Variants in GRM7 observed in about 807,000 individuals in gnomAD.
GRM7 encodes glutamate metabotropic receptor 7.
In GRM7, 35 loss-of-function variants were observed where a neutral mutation model predicts 84.5. That is an observed-to-expected ratio of 0.41 (90% CI 0.32 to 0.55). GRM7 has a LOEUF of 0.55. Among genes scored for constraint, GRM7 ranks in the 20% least tolerant of loss-of-function variants. The pLI, the probability that GRM7 is intolerant of heterozygous loss-of-function variation, is 0.19. For synonymous variants in GRM7, 487 were observed against 455.1 expected (o/e 1.07, Z -0.89); for missense variants, 1,003 against 1,194.6 (o/e 0.84, Z 2.36).
intron 1 of GRM7, among the ~76,000 whole-genome samples, chr3:6,877,991 C>T (rs1017711270): frequency 3.3e-5 from 5 of 150,904 alleles, no homozygotes; most frequent in African/African-American, 1.2e-4. Context: ...ACTCTATCTA[C>T]AGATATATTT....
intron 5 of GRM7, among the ~76,000 whole-genome samples, chr3:7,439,351 C>T (rs989492129): frequency 2.6e-5 from 4 of 152,172 alleles, no homozygotes; most frequent in African/African-American, 9.7e-5. Flanking sequence ...GGAGTCCTCT[C>T]CTGTAACGTA....
At chr3:6,887,846 A>G (rs1695762963) in intron 1 of GRM7, among the ~76,000 whole-genome samples, 1 of 152,232 alleles carries the variant, frequency 6.6e-6, no homozygotes, top group Non-Finnish European at 1.5e-5. Flanking sequence ...TACTTGCGCC[A>G]ACAATGTAAA....
intron 7 of GRM7, among the ~76,000 whole-genome samples, chr3:7,499,205 C>A (rs1490285035): frequency 6.6e-6 from 1 of 152,124 alleles, no homozygotes; most frequent in Non-Finnish European, 1.5e-5. Flanking sequence ...AATCTCTGGG[C>A]TTCTTTTCTG....
At chr3:7,360,079 C>A (rs1388961015) in intron 4 of GRM7, among the ~76,000 whole-genome samples, 1 of 147,082 alleles carries the variant, frequency 6.8e-6, no homozygotes, top group Admixed American at 6.8e-5. Context: ...CCTGAAATAT[C>A]AAATTTGCAA....
At chr3:7,092,369 C>T (rs1698696260) in intron 1 of GRM7, among the ~76,000 whole-genome samples, 1 of 152,046 alleles carries the variant, frequency 6.6e-6, no homozygotes. Context: ...ATTTTAGTTA[C>T]CACTTCTTGG....
At chr3:7,495,635 T>C (rs1699675162) in intron 7 of GRM7, among the ~76,000 whole-genome samples, 2 of 152,138 alleles carry the variant, frequency 1.3e-5, no homozygotes, top group South Asian at 2.1e-4. Flanking sequence ...CCTCTCCCGA[T>C]TGCTTATTTC....
intron 1 of GRM7, among the ~76,000 whole-genome samples, chr3:6,983,046 C>T (rs78986746): frequency 0.017 from 2,570 of 152,152 alleles, 65 homozygotes; most frequent in African/African-American, 0.058. Context: ...ATGCAGTAGG[C>T]GAAGATATTT....
chr3:7,124,859 A>G (rs1350942731), intron 1 of GRM7, among the ~76,000 whole-genome samples: 2 of 152,208 alleles, frequency 1.3e-5, no homozygotes, highest in African/African-American at 4.8e-5. Flanking sequence ...CATTAATGAA[A>G]TATAGCCATG....
intron 1 of GRM7, among the ~76,000 whole-genome samples, chr3:7,127,766 A>C (rs1353828): frequency 0.33 from 49,780 of 151,916 alleles, 9,128 homozygotes; most frequent in African/African-American, 0.5. Flanking sequence ...GGTTTGGGAT[A>C]TTTTGCCTTT....
chr3:7,353,694 G>A (rs1363167856), intron 4 of GRM7, among the ~76,000 whole-genome samples: 2 of 152,144 alleles, frequency 1.3e-5, no homozygotes. Flanking sequence ...AGAGCCCTGT[G>A]ATTGCTCTTG....
intron 8 of GRM7, among the ~76,000 whole-genome samples, chr3:7,612,233 T>TAGTCAC (rs888033826): frequency 6.6e-6 from 1 of 152,228 alleles, no homozygotes; most frequent in East Asian, 1.9e-4. Context: ...TACGTGCCCT[T>TAGTCAC]AGTCACTTTT....
intron 4 of GRM7, among the ~76,000 whole-genome samples, chr3:7,356,168 C>A (rs1417239943): frequency 6.6e-6 from 1 of 152,032 alleles, no homozygotes; most frequent in Non-Finnish European, 1.5e-5. Flanking sequence ...TTAGAAGGAG[C>A]ATGATGGGCA....
At chr3:6,891,340 C>G (rs1574976737) in intron 1 of GRM7, among the ~76,000 whole-genome samples, 1 of 152,180 alleles carries the variant, frequency 6.6e-6, no homozygotes, top group African/African-American at 2.4e-5. Flanking sequence ...ATGGTCTTTA[C>G]AATTTGGCAT....
intron 1 of GRM7, among the ~76,000 whole-genome samples, chr3:6,962,482 T>G (rs1428467408): frequency 6.6e-6 from 1 of 152,146 alleles, no homozygotes; most frequent in Non-Finnish European, 1.5e-5. Context: ...GAAAACTCAC[T>G]AGCACTACAA....
intron 8 of GRM7, among the ~76,000 whole-genome samples, chr3:7,638,581 A>C (rs1698213525): frequency 6.6e-6 from 1 of 152,238 alleles, no homozygotes; most frequent in African/African-American, 2.4e-5. Context: ...TCTAAATGAA[A>C]AATGGATCTA....
intron 1 of GRM7, among the ~76,000 whole-genome samples, chr3:6,920,589 C>G (rs918810614): frequency 4.0e-5 from 6 of 151,874 alleles, no homozygotes; most frequent in Admixed American, 6.6e-5. Flanking sequence ...GATGACTTTT[C>G]CCACAAATAT....
chr3:7,660,632 T>C (rs1237217876), intron 8 of GRM7, among the ~76,000 whole-genome samples: 2 of 152,176 alleles, frequency 1.3e-5, no homozygotes, highest in South Asian at 2.1e-4. Flanking sequence ...AGGCTTCTTA[T>C]AGAAACTGAC....
chr3:7,426,181 G>T (rs1050661584), intron 5 of GRM7, among the ~76,000 whole-genome samples: 3 of 151,120 alleles, frequency 2.0e-5, no homozygotes, highest in Admixed American at 6.6e-5. Flanking sequence ...ATGCAATGGT[G>T]CGATCTCGGC....
intron 8 of GRM7, among the ~76,000 whole-genome samples, chr3:7,641,788 A>C (rs1485081906): frequency 1.3e-5 from 2 of 152,230 alleles, no homozygotes. Flanking sequence ...CAATACTGCA[A>C]ATACATATAA....
Sources: allele counts gnomAD v4.1 joint callset (sites outside exome capture counted in the v4.1 genomes callset), GRCh38; gene constraint gnomAD v4.1.1; transcripts MANE v1.5; gene names NCBI Gene and HGNC (gene_info 2026-07-23, HGNC 2026-07-21).